The following DCP1A variants were observed in gnomAD, a reference collection of about 807,000 sequenced individuals.
DCP1A encodes mRNA-decapping enzyme 1A.
In DCP1A, 20 loss-of-function variants were observed where a neutral mutation model predicts 58.0. That is an observed-to-expected ratio of 0.34 (90% confidence interval 0.24 to 0.50). DCP1A has a LOEUF of 0.50. Among genes scored for constraint, DCP1A ranks in the 20% least tolerant of loss-of-function variants. The probability of loss-of-function intolerance (pLI) is 0.98; values close to 1 mark genes in which losing one functional copy is unlikely to be tolerated. For synonymous variants in DCP1A, 285 were observed against 275.1 expected, an observed-to-expected ratio of 1.04 and a Z score of -0.36; for missense variants, 613 against 712.2, an observed-to-expected ratio of 0.86 and a Z score of 1.59.
At chr3:53,289,088 G>C (rs1352504223) in intron 8 of DCP1A, among the ~76,000 whole-genome samples, 1 of 151,276 alleles carries the variant, frequency 6.6e-6, no homozygotes, top group Admixed American at 6.6e-5. Context: ...ACCACTCACT[G>C]CAGCTTCAAC....
chr3:53,315,541 A>C (rs1410772473), intron 4 of DCP1A, among the ~76,000 whole-genome samples: 1 of 149,428 alleles, frequency 6.7e-6, no homozygotes, highest in Non-Finnish European at 1.5e-5. Flanking sequence ...TCTCAAAAAA[A>C]AAAAAAAAAA....
rs1244859195 is a variant in DCP1A at position 53,315,744 on chromosome 3, GTTTTTTTTTTTTGT to G, written c.372-3379_372-3366del. 4.3e-4 allele frequency among the ~76,000 whole-genome samples: 41 copies of G among 95,434 alleles called. 1 individual carries two copies. In the Admixed American group the frequency reaches 4.7e-3, roughly 11 times the overall value. 62.6% of individuals were successfully genotyped at this position (95,434 alleles called of 152,430 possible). A position where few individuals can be genotyped will look rare whatever the true frequency, so the allele number is the denominator to read the frequency against. ...ATTGTTTGGAGTAAATCAGTTTGTT[GTTTTTTTTTTTTGT>G]TTTTTTTTTTTTTGAGACGGAGTCT... On this transcript the variant is annotated intron_variant, in intron 4 of 9. Coordinates refer to ENST00000610213, the MANE Select transcript of DCP1A (RefSeq NM_018403.7).
At position 53,292,340 on chromosome 3, in the gene DCP1A, T is replaced by C. The variant is rs782414422; in HGVS notation, c.1112A>G (p.Asn371Ser). 2.0e-5 allele frequency: 33 copies of C among 1,612,584 alleles called. No homozygotes were observed. The Admixed American group carries it at 2.5e-4, about 12-fold the overall frequency. Residue 371 changes from asparagine (N) to serine (S), a missense_variant, in exon 7 of 10, where the codon AAC (asparagine) becomes AGC (serine). Asn to Ser is a conservative substitution (Grantham distance 46, BLOSUM62 1). Coordinates refer to ENST00000610213, the MANE Select transcript of DCP1A (RefSeq NM_018403.7). ...PELSHASLIA[N>S]QSPFRAPLNV... ...CAATGGGGCCCTGAAGGGGCTCTGG[T>C]TGGCAATCAGACTGGCATGGCTTAG...
At chr3:53,313,229 G>C (rs1413774445) in intron 4 of DCP1A, among the ~76,000 whole-genome samples, 1 of 152,074 alleles carries the variant, frequency 6.6e-6, no homozygotes, top group Non-Finnish European at 1.5e-5. Flanking sequence ...ACTTAGCCTG[G>C]GCAACTTGGC....
intron 8 of DCP1A, among the ~76,000 whole-genome samples, chr3:53,289,148 C>T (rs563641367): frequency 1.1e-4 from 16 of 151,134 alleles, no homozygotes; most frequent in African/African-American, 1.2e-4. Flanking sequence ...TTTGTAAAGA[C>T]GAGGTCTCAC....
chr3:53,309,078 T>C (rs1553688395), intron 5 of DCP1A, among the ~76,000 whole-genome samples: 1 of 151,994 alleles, frequency 6.6e-6, no homozygotes, highest in East Asian at 1.9e-4. Flanking sequence ...ACATAAAAAA[T>C]AAGAAAGTTG....
chr3:53,344,638 G>A (rs1390045968), intron 2 of DCP1A, among the ~76,000 whole-genome samples: 2 of 152,092 alleles, frequency 1.3e-5, no homozygotes, highest in East Asian at 3.8e-4. Flanking sequence ...GAGAGACGCA[G>A]GCATCCATTT....
intron 3 of DCP1A, among the ~76,000 whole-genome samples, chr3:53,338,760 C>G (rs576991445): frequency 1.7e-4 from 25 of 150,506 alleles, no homozygotes; most frequent in Non-Finnish European, 2.8e-4. Context: ...ACTCGGGAGG[C>G]TGAGGCAGGA....
intron 6 of DCP1A, among the ~76,000 whole-genome samples, chr3:53,298,904 G>A (rs1553687086): frequency 6.6e-6 from 1 of 152,198 alleles, no homozygotes; most frequent in African/African-American, 2.4e-5. Flanking sequence ...ACAAATACCA[G>A]TGTGTTACAA....
At chr3:53,341,926 C>T (rs141710331) in intron 3 of DCP1A, among the ~76,000 whole-genome samples, 291 of 152,300 alleles carry the variant, frequency 1.9e-3, no homozygotes, top group African/African-American at 6.7e-3. Flanking sequence ...ATCTGCCCTC[C>T]TCGGCCTCCC....
chr3:53,344,017 G>GA (rs1257431545), intron 2 of DCP1A, among the ~76,000 whole-genome samples: 4 of 151,730 alleles, frequency 2.6e-5, no homozygotes, highest in Admixed American at 6.6e-5. Context: ...CTTAAAAGAA[G>GA]AAAAAAATGA....
intron 3 of DCP1A, chr3:53,329,430 C>T (rs1185699606): frequency 6.0e-5 from 24 of 398,546 alleles, no homozygotes; most frequent in Non-Finnish European, 8.8e-5. Context: ...GGGTACTTCT[C>T]TCTGGCTTTT....
At chr3:53,330,611 T>A (rs1042475605) in intron 3 of DCP1A, among the ~76,000 whole-genome samples, 1 of 151,878 alleles carries the variant, frequency 6.6e-6, no homozygotes, top group East Asian at 1.9e-4. Context: ...CTTCAGCTTA[T>A]AATTTTCTAA....
chr3:53,298,317 T>C (rs1707196576), intron 6 of DCP1A, among the ~76,000 whole-genome samples: 2 of 152,222 alleles, frequency 1.3e-5, no homozygotes, highest in Non-Finnish European at 2.9e-5. Flanking sequence ...CTAGATTCTC[T>C]ATGCTGCCTC....
At chr3:53,335,609 A>G (rs782027502) in intron 3 of DCP1A, among the ~76,000 whole-genome samples, 10 of 152,150 alleles carry the variant, frequency 6.6e-5, no homozygotes. Context: ...AGAGTTTATA[A>G]TTCTAATCAC....
At chr3:53,311,505 T>G (rs1376159854) in intron 5 of DCP1A, among the ~76,000 whole-genome samples, 1 of 152,168 alleles carries the variant, frequency 6.6e-6, no homozygotes, top group Non-Finnish European at 1.5e-5. Flanking sequence ...TTTATTCAAC[T>G]TTTGGGAGAA....
chr3:53,320,483 T>C (rs1707931836), intron 3 of DCP1A, among the ~76,000 whole-genome samples: 1 of 152,202 alleles, frequency 6.6e-6, no homozygotes, highest in African/African-American at 2.4e-5. Flanking sequence ...TCAGCATACC[T>C]TGTACCTCCT....
At chr3:53,314,656 C>CTTTTCT (rs1559693478) in intron 4 of DCP1A, among the ~76,000 whole-genome samples, 11 of 123,582 alleles carry the variant, frequency 8.9e-5, no homozygotes, top group African/African-American at 2.4e-4. Context: ...AAGAATATTT[C>CTTTTCT]TTTTCTTTTT....
At chr3:53,338,332 T>C (rs1288241225) in intron 3 of DCP1A, among the ~76,000 whole-genome samples, 1 of 152,138 alleles carries the variant, frequency 6.6e-6, no homozygotes, top group Non-Finnish European at 1.5e-5. Flanking sequence ...TGGCCCATGC[T>C]AGCACTTCGG....
Sources: gnomAD v4.1 joint callset for allele counts (sites outside exome capture counted in the v4.1 genomes callset) on GRCh38, gnomAD v4.1.1 for gene constraint, MANE v1.5 for transcripts, NCBI Gene and HGNC (gene_info 2026-07-23, HGNC 2026-07-21) for gene names.